The following CLCN1 variants were observed in gnomAD, a reference collection of about 807,000 sequenced individuals.
CLCN1 encodes chloride voltage-gated channel 1.
CLCN1 carries 100 observed loss-of-function variants against 114.5 expected under a neutral mutation model. That is an observed-to-expected ratio of 0.87 (90% confidence interval 0.74 to 1.03). The LOEUF (loss-of-function observed/expected upper bound fraction) is 1.03, where lower values mean the gene tolerates loss of function less well. Among genes scored for constraint, CLCN1 ranks in the 50% least tolerant of loss-of-function variants. The pLI, the probability that CLCN1 is intolerant of heterozygous loss-of-function variation, is 0.00. For synonymous variants in CLCN1, 485 were observed against 487.1 expected (o/e 1.00, Z 0.06); for missense variants, 1,188 against 1,250.0 (o/e 0.95, Z 0.75).
In CLCN1 at chr7:143,324,178, TTATTTCATTTTCTACCTTC is replaced by T. The variant is rs1802521722; in HGVS notation, c.775-224_775-206del. 6.6e-6 allele frequency among the ~76,000 whole-genome samples: 1 copy of T among 152,210 alleles called. No individual in the cohort carries two copies. On this transcript the variant is annotated intron_variant, in intron 6 of 22. Transcript: ENST00000343257. The surrounding 1 kb of genome is among the most constrained non-coding windows in gnomAD (Gnocchi z 4.6). Reference sequence around the variant, plus strand: ...TGCCTGGCATATATTTGCCTAACTTTTATTTCATTTTCTACCTTCTATTTCATTTTGACACTGTGCTATG... The same window carrying T: ...TGCCTGGCATATATTTGCCTAACTTTTATTTCATTTTGACACTGTGCTATG...
intron 2 of CLCN1, 77 bp from the exon 3 acceptor site, chr7:143,320,587 G>A (rs78757074): frequency 7.9e-6 from 7 of 887,612 alleles, no homozygotes; most frequent in Non-Finnish European, 1.2e-5. Context: ...CTCTCTCTCT[G>A]TCTCTACATA....
Position 143,319,800 on chromosome 7 carries a change from A to C in CLCN1, c.226A>C (p.Ile76Leu). ...ACAATTCTCAGACAGGGAGCAGGAC[A>C]TAGGGATGCCCAAGAAGACAGGCTC... is the stretch of plus-strand genomic sequence containing the variant. Reference protein sequence around the residue: ...KEQFSDREQDIGMPKKTGSSS... With the variant: ...KEQFSDREQDLGMPKKTGSSS... Residue 76 changes from isoleucine (I) to leucine (L), a missense_variant, in exon 2 of 23, where the codon ATA becomes CTA. Coordinates refer to ENST00000343257, the MANE Select transcript of CLCN1 (RefSeq NM_000083.3). 1.2e-6 allele frequency: 2 copies of C among 1,613,792 alleles called. No individual in the cohort carries two copies. Among genetic ancestry groups the C allele is most frequent in the Non-Finnish European group, 1.7e-6 (2 of 1,179,660 alleles).
Position 143,330,824 on chromosome 7 carries a change from C to A in CLCN1, c.906C>A (p.Tyr302Ter). ...VTSTYFAVRN[Y>*]WRGFFAATFS... is the part of the protein sequence containing the mutation. ...CCACCTACTTTGCTGTTCGGAACTACTGGAGAGGATTCTTTGCAGCCACGT... is the reference window on the plus strand; with the variant it reads ...CCACCTACTTTGCTGTTCGGAACTAATGGAGAGGATTCTTTGCAGCCACGT... Residue 302 changes from tyrosine to a stop codon, truncating the protein, a stop_gained, in exon 8 of 23, where the codon TAC becomes TAA. Transcript: ENST00000343257. LOFTEE classifies it high-confidence loss of function. 1 of 1,614,190 alleles carries A rather than the reference C, an allele frequency of 6.2e-7. No homozygotes were observed. Among genetic ancestry groups the A allele is most frequent in the Non-Finnish European group, 8.5e-7 (1 of 1,180,038 alleles).
chr7:143,323,452 G>C, intron 6 of CLCN1, 66 bp downstream of exon 6: 3 of 1,123,134 alleles, frequency 2.7e-6, no homozygotes, highest in Non-Finnish European at 4.1e-6. Context: ...TGTGTCCAGG[G>C]TGTTGGGAGG....
chr7:143,336,124 A>G (rs1365312102), intron 12 of CLCN1, among the ~76,000 whole-genome samples: 1 of 152,122 alleles, frequency 6.6e-6, no homozygotes, highest in Non-Finnish European at 1.5e-5. Flanking sequence ...ATTGTTACCT[A>G]GTATCACTAA....
At chr7:143,348,786 G>A (rs1047170609) in intron 20 of CLCN1, among the ~76,000 whole-genome samples, 2 of 152,154 alleles carry the variant, frequency 1.3e-5, no homozygotes, top group African/African-American at 4.8e-5. Context: ...CCGGTACCGA[G>A]CTTATTCAAG....
intron 18 of CLCN1, 67 bp downstream of exon 18, chr7:143,346,318 C>A: frequency 2.7e-6 from 3 of 1,104,434 alleles, no homozygotes; most frequent in Admixed American, 3.5e-5. Flanking sequence ...TAGGACCTGA[C>A]CTTGACCTGC....
rs1043694409 is a variant in CLCN1, at chr7:143,350,985, G to T, written c.2595+331G>T. Among the ~76,000 whole-genome samples the T allele has an allele frequency of 6.6e-6, 1 of 151,978 alleles. No individual in the cohort carries two copies. The highest frequency in any genetic ancestry group is 1.5e-5 in the Non-Finnish European group (1 of 67,972). On this transcript the variant is annotated intron_variant, in intron 22 of 22. Transcript: ENST00000343257. The surrounding 1 kb of genome is among the most constrained non-coding windows in gnomAD (Gnocchi z 5.1). ...TAGAGACGGGGTTTTGCCATGTTGG[G>T]CAGGCTAGTCTCAAACTCCTGACCT...
chr7:143,332,652 A>C, intron 11 of CLCN1, 72 bp from the exon 12 acceptor site: 1 of 1,583,692 alleles, frequency 6.3e-7, no homozygotes, highest in Non-Finnish European at 8.7e-7. Context: ...GAGGCTGGGG[A>C]ATAAGTTCTC....
intron 16 of CLCN1, among the ~76,000 whole-genome samples, chr7:143,343,697 T>C (rs1482687894): frequency 3.3e-5 from 4 of 119,530 alleles, no homozygotes; most frequent in African/African-American, 3.6e-5. Context: ...CTGTTTTCTT[T>C]CTTCCTTCCT....
intron 12 of CLCN1, among the ~76,000 whole-genome samples, chr7:143,334,474 A>G (rs1039818505): frequency 1.2e-4 from 18 of 152,204 alleles, no homozygotes; most frequent in South Asian, 4.1e-4. Context: ...TGGGTTCATG[A>G]GTTCATTTGT....
chr7:143,317,579 CT>C (rs201421922), intron 1 of CLCN1, among the ~76,000 whole-genome samples: 7,104 of 142,050 alleles, frequency 0.05, 186 homozygotes, highest in Middle Eastern at 0.11. Flanking sequence ...TTTTTTCTTT[CT>C]TTTTTTTTTT....
chr7:143,351,768 G>A lies in CLCN1; in HGVS notation c.2770G>A (p.Ala924Thr), dbSNP rs1383928468. ...GGCCACTGGAACAGGGGATGTGATT[G>A]CTGCCTCCCCAGAGACCCCTGTGCC... ...PGATGTGDVI[A>T]ASPETPVPSP... is the part of the protein sequence containing the mutation. Residue 924 changes from alanine to threonine, a missense_variant, in exon 23 of 23, where the codon GCT becomes ACT. Physicochemically the swap from Ala to Thr is moderately conservative, Grantham distance 58. Coordinates refer to ENST00000343257, the MANE Select transcript of CLCN1 (RefSeq NM_000083.3). 6.2e-7 allele frequency: 1 copy of A among 1,614,054 alleles called. No individual in the cohort carries two copies. Among genetic ancestry groups the A allele is most frequent in the Non-Finnish European group, 8.5e-7 (1 of 1,180,028 alleles).
At chr7:143,325,154 T>C (rs1233075478) in intron 7 of CLCN1, among the ~76,000 whole-genome samples, 1 of 152,252 alleles carries the variant, frequency 6.6e-6, no homozygotes, top group African/African-American at 2.4e-5. Context: ...ATCTGTTTAT[T>C]GACTCATCAA....
rs368898705 is a variant in CLCN1 at position 143,351,995 on chromosome 7, G to A, written c.*30G>A. On this transcript the variant is annotated 3_prime_UTR_variant, in exon 23 of 23. Transcript: ENST00000343257. ...CTCCCACGACCTCCTCATAAAGACC[G>A]TGGAGAGGCCCAGCCTGAGGGTGAA... The A allele has an allele frequency of 2.6e-4, 427 of 1,612,224 alleles. No homozygotes were observed. Among genetic ancestry groups the A allele is most frequent in the Non-Finnish European group, 3.4e-4 (399 of 1,179,996 alleles).
Position 143,316,312 on chromosome 7 carries a change from G to T in CLCN1, c.100G>T (p.Gly34Ter). The T allele has an allele frequency of 6.2e-6, 10 of 1,613,746 alleles. No homozygotes were observed. Among genetic ancestry groups the T allele is most frequent in the Non-Finnish European group, 7.6e-6 (9 of 1,179,946 alleles). Residue 34 changes from glycine to a stop codon, truncating the protein, a stop_gained, in exon 1 of 23, where the codon GGA (glycine) becomes TGA (stop). Coordinates refer to ENST00000343257, the MANE Select transcript of CLCN1 (RefSeq NM_000083.3). LOFTEE classifies it high-confidence loss of function. ...GCCCTTTGAACACTGCACCAGCTAC[G>T]GACTGCCCTCTGAGAATGGGGGCCT... ...YMPFEHCTSY[G>*]LPSENGGLQH...
At chr7:143,317,034 G>A (rs1802306186) in intron 1 of CLCN1, among the ~76,000 whole-genome samples, 1 of 152,152 alleles carries the variant, frequency 6.6e-6, no homozygotes, top group Non-Finnish European at 1.5e-5. Context: ...CTAATTAGGA[G>A]TGTCTATGGA....
rs1436778637 is a variant in CLCN1, at chr7:143,331,617, A to G, written c.1131A>G (p.Arg377=). The G allele has an allele frequency of 1.9e-6, 3 of 1,613,994 alleles. No homozygotes were observed. Among genetic ancestry groups the G allele is most frequent in the Non-Finnish European group, 2.5e-6 (3 of 1,179,968 alleles). ...YLHRQVMLGV[R]KHKALSQFLA... is the part of the protein sequence containing the mutation. ...ATCGCCAAGTCATGCTCGGTGTCCG[A>G]AAGCACAAGGCCCTCAGCCAGTTTC... The change falls in exon 10 of 23, where the codon CGA becomes CGG. Residue 377 remains arginine, a synonymous_variant. Coordinates refer to ENST00000343257, the MANE Select transcript of CLCN1 (RefSeq NM_000083.3).
At chr7:143,330,567 C>T (rs1382478417) in intron 7 of CLCN1, among the ~76,000 whole-genome samples, 1 of 152,182 alleles carries the variant, frequency 6.6e-6, no homozygotes, top group African/African-American at 2.4e-5. Flanking sequence ...TTGGACCCAT[C>T]CCTTGTCTGA....
Sources: allele counts gnomAD v4.1 joint callset (sites outside exome capture counted in the v4.1 genomes callset), GRCh38; gene constraint gnomAD v4.1.1; non-coding constraint Gnocchi (gnomAD v3.1); transcripts MANE v1.5; gene names NCBI Gene and HGNC (gene_info 2026-07-23, HGNC 2026-07-21).